The following TBCE variants were observed in gnomAD, a reference collection of about 807,000 sequenced individuals.
The protein encoded by TBCE is tubulin folding cofactor E.
Under a neutral mutation model 77.0 loss-of-function variants are expected in TBCE, and 53 were observed. That is an observed-to-expected ratio of 0.69 (90% CI 0.55 to 0.87). The LOEUF (loss-of-function observed/expected upper bound fraction) is 0.87. Among genes scored for constraint, TBCE ranks in the 40% least tolerant of loss-of-function variants. TBCE has a pLI of 0.00. For synonymous variants in TBCE, 235 were observed against 241.3 expected (o/e 0.97, Z 0.24); for missense variants, 624 against 622.4 (o/e 1.00, Z -0.03).
chr1:235,436,490 CT>C, intron 10 of TBCE, 40 bp downstream of exon 10: 1 of 1,610,656 alleles, frequency 6.2e-7, no homozygotes, highest in Non-Finnish European at 8.5e-7. Flanking sequence ...CCCCCCCACA[CT>C]ATACTTCAGC....
At chr1:235,427,568 G>T (rs1290782141) in intron 6 of TBCE, among the ~76,000 whole-genome samples, 1 of 152,126 alleles carries the variant, frequency 6.6e-6, no homozygotes, top group Admixed American at 6.5e-5. Flanking sequence ...CCAGCCACGT[G>T]TACAGTAAGG....
intron 4 of TBCE, 128 bp downstream of exon 4, chr1:235,414,746 G>A (rs565021416): frequency 7.9e-6 from 7 of 883,308 alleles, no homozygotes; most frequent in African/African-American, 6.7e-5. Flanking sequence ...CCACAGAAAC[G>A]GAATCAAAAT....
At chr1:235,389,043 G>A (rs1678206545) in intron 2 of TBCE, among the ~76,000 whole-genome samples, 1 of 152,134 alleles carries the variant, frequency 6.6e-6, no homozygotes, top group Admixed American at 6.6e-5. Context: ...TCCATAAGAG[G>A]GCAGACAGTT....
chr1:235,419,514 C>T lies in TBCE; in HGVS notation c.413C>T (p.Ala138Val), dbSNP rs1266532300. Residue 138 changes from alanine (A) to valine (V), a missense_variant, in exon 5 of 17, where the codon GCA becomes GTA. Physicochemically the swap from Ala to Val is moderately conservative, Grantham distance 64. Transcript: ENST00000642610. ...KLQEVSLRNC[A>V]VSCAGEKGGV... ...CAAGAAGTTTCTCTGAGGAACTGTG[C>T]AGTAAGTTGTGCTGGTGAAAAAGGA... The T allele has an allele frequency of 1.2e-6, 2 of 1,614,024 alleles. No individual in the cohort carries two copies. Among genetic ancestry groups the T allele is most frequent in the Non-Finnish European group, 1.7e-6 (2 of 1,180,012 alleles).
intron 3 of TBCE, among the ~76,000 whole-genome samples, chr1:235,402,761 A>G (rs1572368648): frequency 1.3e-5 from 2 of 152,106 alleles, no homozygotes; most frequent in East Asian, 3.9e-4. Context: ...AGTAGCTGGG[A>G]CTACAGGCGT....
At chr1:235,409,499 G>A (rs74148493) in intron 3 of TBCE, among the ~76,000 whole-genome samples, 3,092 of 152,018 alleles carry the variant, frequency 0.02, 118 homozygotes, top group African/African-American at 0.071. Context: ...TTCACTATTT[G>A]TTGAGGCTGT....
At chr1:235,439,297 C>T (rs1440680390) in intron 13 of TBCE, among the ~76,000 whole-genome samples, 1 of 148,878 alleles carries the variant, frequency 6.7e-6, no homozygotes, top group Non-Finnish European at 1.5e-5. Flanking sequence ...CGAGACCATC[C>T]TAGCTAACAC....
chr1:235,368,910 G>A (rs1021574361), intron 1 of TBCE, among the ~76,000 whole-genome samples: 3 of 151,986 alleles, frequency 2.0e-5, no homozygotes, highest in Non-Finnish European at 4.4e-5. Flanking sequence ...TACATTCATT[G>A]TCACTACTGA....
chr1:235,431,195 C>G (rs1376708547), intron 7 of TBCE, among the ~76,000 whole-genome samples: 1 of 152,122 alleles, frequency 6.6e-6, no homozygotes, highest in Non-Finnish European at 1.5e-5. Context: ...TTCTCACATA[C>G]TTTTCTTGTT....
At chr1:235,403,480 G>A (rs950368861) in intron 3 of TBCE, among the ~76,000 whole-genome samples, 3 of 152,320 alleles carry the variant, frequency 2.0e-5, no homozygotes, top group South Asian at 2.1e-4. Flanking sequence ...AAAGTGCTGG[G>A]ATTACAGGTG....
chr1:235,393,238 T>A (rs1255350197), intron 2 of TBCE, among the ~76,000 whole-genome samples: 1 of 152,182 alleles, frequency 6.6e-6, no homozygotes, highest in Non-Finnish European at 1.5e-5. Context: ...TAGAGATATT[T>A]TAAAAAATAG....
chr1:235,378,056 T>C (rs1473436606), intron 1 of TBCE, among the ~76,000 whole-genome samples: 1 of 152,174 alleles, frequency 6.6e-6, no homozygotes, highest in African/African-American at 2.4e-5. Flanking sequence ...TAGTCAGTAA[T>C]GTATTCTAAC....
At chr1:235,446,457 G>A (rs910869208) in intron 15 of TBCE, among the ~76,000 whole-genome samples, 1 of 151,998 alleles carries the variant, frequency 6.6e-6, no homozygotes, top group African/African-American at 2.4e-5. Flanking sequence ...GATTACAGGC[G>A]TGAGCCACTG....
rs539810095 is a variant in TBCE, at chr1:235,440,033, C to G, written c.1270+1111C>G. On this transcript the variant is annotated intron_variant, in intron 13 of 16. Transcript: ENST00000642610. ...TCGCCCAGGCTGGAGTGCAGTGCCG[C>G]GATCTCCGCTCACTGCAAGCTCCGC... Among the ~76,000 whole-genome samples the G allele has an allele frequency of 3.3e-5, 5 of 151,848 alleles. No homozygotes were observed. The South Asian group carries it at 1.0e-3, about 32-fold the overall frequency.
At chr1:235,382,662 G>A (rs1425896816) in intron 2 of TBCE, among the ~76,000 whole-genome samples, 2 of 151,738 alleles carry the variant, frequency 1.3e-5, no homozygotes, top group Non-Finnish European at 2.9e-5. Context: ...TGATGGGGCT[G>A]TTTGTTTTTT....
At chr1:235,398,779 G>C (rs1340971500) in intron 2 of TBCE, among the ~76,000 whole-genome samples, 1 of 137,192 alleles carries the variant, frequency 7.3e-6, no homozygotes, top group Non-Finnish European at 1.6e-5. Flanking sequence ...TACTCGGAAG[G>C]CTAAGGCAAA....
intron 4 of TBCE, among the ~76,000 whole-genome samples, chr1:235,417,376 A>G (rs1393722638): frequency 2.0e-5 from 3 of 152,242 alleles, no homozygotes; most frequent in African/African-American, 7.2e-5. Context: ...TCATAAGCCT[A>G]CAAAGCTGGC....
intron 1 of TBCE, 31 bp from the exon 2 acceptor site, chr1:235,379,988 G>T: frequency 6.3e-6 from 8 of 1,272,464 alleles, no homozygotes; most frequent in Admixed American, 3.6e-5. Context: ...ATTGTATTAA[G>T]TTCTTATCAG....
chr1:235,404,385 C>G (rs571100508), intron 3 of TBCE, among the ~76,000 whole-genome samples: 1 of 151,106 alleles, frequency 6.6e-6, no homozygotes, highest in Non-Finnish European at 1.5e-5. Flanking sequence ...CCAGGAGTTT[C>G]AAGACCAGCC....
Sources: gnomAD v4.1 joint callset for allele counts (sites outside exome capture counted in the v4.1 genomes callset) on GRCh38, gnomAD v4.1.1 for gene constraint, MANE v1.5 for transcripts, NCBI Gene and HGNC (gene_info 2026-07-23, HGNC 2026-07-21) for gene names.